The following KAZN variants were observed in gnomAD, a reference collection of about 807,000 sequenced individuals.
The protein encoded by KAZN is kazrin, periplakin interacting protein.
A neutral mutation model predicts 87.4 loss-of-function variants in KAZN; 40 were observed. The ratio of observed to expected loss-of-function variants is 0.46; its 90% CI spans 0.36 to 0.60. KAZN has a LOEUF of 0.60. Among genes scored for constraint, KAZN ranks in the 20% least tolerant of loss-of-function variants. The probability of loss-of-function intolerance (pLI) is 0.00; values close to 1 mark genes in which losing one functional copy is unlikely to be tolerated. For missense variants in KAZN, 898 were observed against 1,073.9 expected (o/e 0.84, Z 2.29); for synonymous variants, 466 against 458.3 (o/e 1.02, Z -0.22).
chr1:14,315,730 G>A (rs758592628), intron 2 of KAZN, among the ~76,000 whole-genome samples: 3 of 152,032 alleles, frequency 2.0e-5, no homozygotes, highest in Middle Eastern at 3.2e-3. Context: ...TATATCAACA[G>A]TGTGTTCCTT....
intron 2 of KAZN, among the ~76,000 whole-genome samples, chr1:14,281,800 G>C (rs920918083): frequency 2.0e-5 from 3 of 152,192 alleles, no homozygotes; most frequent in Admixed American, 2.0e-4. Flanking sequence ...TTTGCTTCCT[G>C]GAGCCCCAAA....
chr1:14,546,567 C>A (rs988078893), intron 2 of KAZN, among the ~76,000 whole-genome samples: 25 of 152,006 alleles, frequency 1.6e-4, no homozygotes, highest in Admixed American at 1.6e-3. Flanking sequence ...AGGAAGCTGG[C>A]AACTTCTCAT....
chr1:14,969,709 G>T (rs1664814338), intron 2 of KAZN, among the ~76,000 whole-genome samples: 1 of 152,212 alleles, frequency 6.6e-6, no homozygotes, highest in African/African-American at 2.4e-5. Context: ...TGTTATAGTT[G>T]CCACTGGACC....
chr1:14,057,140 GT>G (rs753158003), intron 1 of KAZN, among the ~76,000 whole-genome samples: 53 of 141,738 alleles, frequency 3.7e-4, no homozygotes, highest in Admixed American at 4.9e-4. Flanking sequence ...TTGTTTGTTT[GT>G]TTTTTTTTTT....
chr1:14,433,420 C>A (rs6675746), intron 2 of KAZN, among the ~76,000 whole-genome samples: 1 of 152,114 alleles, frequency 6.6e-6, no homozygotes, highest in South Asian at 2.1e-4. Context: ...TTGTGGTTTG[C>A]TCTTACAGAC....
At chr1:14,549,252 C>G (rs1673354912) in intron 2 of KAZN, among the ~76,000 whole-genome samples, 1 of 152,126 alleles carries the variant, frequency 6.6e-6, no homozygotes, top group South Asian at 2.1e-4. Flanking sequence ...TTATCGATGC[C>G]CCTCCTTTCT....
chr1:14,886,924 T>C (rs1225007030), intron 1 of KAZN, among the ~76,000 whole-genome samples: 2 of 152,232 alleles, frequency 1.3e-5, no homozygotes, highest in African/African-American at 4.8e-5. Context: ...TTCTTTTGTT[T>C]GTTGCTGTGT....
intron 2 of KAZN, among the ~76,000 whole-genome samples, chr1:14,540,484 A>C (rs1272630589): frequency 6.6e-6 from 1 of 152,142 alleles, no homozygotes; most frequent in Non-Finnish European, 1.5e-5. Flanking sequence ...TGAGTGATGC[A>C]ACCATGGTGA....
At chr1:13,931,891 G>A (rs992050978) in intron 1 of KAZN, among the ~76,000 whole-genome samples, 1 of 152,114 alleles carries the variant, frequency 6.6e-6, no homozygotes, top group Non-Finnish European at 1.5e-5. Flanking sequence ...AGGCTGGAGT[G>A]CAGTGGCACG....
At chr1:14,643,234 A>G (rs1680541175) in intron 1 of KAZN, among the ~76,000 whole-genome samples, 1 of 152,190 alleles carries the variant, frequency 6.6e-6, no homozygotes, top group Non-Finnish European at 1.5e-5. Flanking sequence ...TTGTGTCACA[A>G]CGAGGGGGAG....
At chr1:13,964,263 A>G (rs961493984) in intron 1 of KAZN, among the ~76,000 whole-genome samples, 4 of 152,232 alleles carry the variant, frequency 2.6e-5, no homozygotes, top group African/African-American at 9.6e-5. Flanking sequence ...GTGTTTAACA[A>G]CGAGTAAGTG....
rs1275069862 is a variant in KAZN at position 14,772,689 on chromosome 1, A to G, written c.226+173466A>G. On this transcript the variant is annotated intron_variant, in intron 1 of 14. Coordinates refer to ENST00000376030, the MANE Select transcript of KAZN (RefSeq NM_201628.3). ...TGGCTCCCGATTCAGACAATATTTG[A>G]AGCCCTGAAAAGCCTTTGCTGCATT... Among the ~76,000 whole-genome samples, 5 of 152,058 alleles carry G rather than the reference A, an allele frequency of 3.3e-5. No individual in the cohort carries two copies. In the East Asian group the frequency reaches 9.7e-4, roughly 29 times the overall value.
intron 1 of KAZN, among the ~76,000 whole-genome samples, chr1:13,995,301 T>C (rs577237286): frequency 3.2e-4 from 49 of 150,966 alleles, no homozygotes; most frequent in African/African-American, 8.5e-4. Flanking sequence ...ATGGAGAAAA[T>C]CTAAAATAAT....
intron 1 of KAZN, among the ~76,000 whole-genome samples, chr1:14,616,411 C>G (rs895092447): frequency 6.6e-6 from 1 of 151,768 alleles, no homozygotes; most frequent in African/African-American, 2.4e-5. Flanking sequence ...CAGAGGAGTC[C>G]TCTGGTATGG....
intron 2 of KAZN, among the ~76,000 whole-genome samples, chr1:14,399,272 C>T (rs1663177056): frequency 6.6e-6 from 1 of 152,112 alleles, no homozygotes; most frequent in Non-Finnish European, 1.5e-5. Context: ...CCGCCTCAGC[C>T]TCCCAGAATG....
chr1:14,199,428 C>T (rs1646594787), intron 2 of KAZN, among the ~76,000 whole-genome samples: 1 of 152,188 alleles, frequency 6.6e-6, no homozygotes, highest in Non-Finnish European at 1.5e-5. Flanking sequence ...TCTCGCAGGG[C>T]CCTTCCTGAC....
chr1:15,097,584 C>A (rs1019283756), intron 10 of KAZN, among the ~76,000 whole-genome samples: 3 of 152,086 alleles, frequency 2.0e-5, no homozygotes, highest in Non-Finnish European at 4.4e-5. Flanking sequence ...TTTGGGAGGC[C>A]AAGGCAGGTG....
intron 2 of KAZN, among the ~76,000 whole-genome samples, chr1:14,267,726 G>A (rs1313594516): frequency 6.6e-6 from 1 of 152,188 alleles, no homozygotes; most frequent in Non-Finnish European, 1.5e-5. Context: ...CCAGCACTTT[G>A]AGAGGCTGAG....
intron 1 of KAZN, among the ~76,000 whole-genome samples, chr1:14,126,094 G>A (rs1412517850): frequency 6.6e-6 from 1 of 152,150 alleles, no homozygotes; most frequent in Non-Finnish European, 1.5e-5. Context: ...ACATGATCTG[G>A]TTTATATATG....
Sources: gnomAD v4.1 joint callset for allele counts (sites outside exome capture counted in the v4.1 genomes callset) on GRCh38, gnomAD v4.1.1 for gene constraint, MANE v1.5 for transcripts, NCBI Gene and HGNC (gene_info 2026-07-23, HGNC 2026-07-21) for gene names.